The following TULP4 variants were observed in gnomAD, a reference collection of about 807,000 sequenced individuals.
TULP4 encodes the protein tubby-related protein 4.
TULP4 carries 16 observed loss-of-function variants against 129.0 expected under a neutral mutation model. The ratio of observed to expected loss-of-function variants is 0.12; its 90% confidence interval spans 0.08 to 0.19. The LOEUF (loss-of-function observed/expected upper bound fraction) is 0.19, where lower values mean the gene tolerates loss of function less well. Among genes scored for constraint, TULP4 ranks in the 10% least tolerant of loss-of-function variants. TULP4 has a pLI of 1.00. For synonymous variants in TULP4, 998 were observed against 854.0 expected (o/e 1.17, Z -2.94); for missense variants, 1,842 against 2,059.1 (o/e 0.89, Z 2.04).
At chr6:158,442,245 T>C (rs1778913399) in intron 3 of TULP4, among the ~76,000 whole-genome samples, 1 of 152,184 alleles carries the variant, frequency 6.6e-6, no homozygotes, top group Admixed American at 6.5e-5. Context: ...TTGAGAAGTT[T>C]ATCAGTAGCC....
intron 8 of TULP4, among the ~76,000 whole-genome samples, chr6:158,484,251 G>GT (rs991501304): frequency 1.3e-5 from 2 of 150,444 alleles, no homozygotes; most frequent in Non-Finnish European, 3.0e-5. Context: ...CCCACCCATT[G>GT]TTTTTTAAAA....
intron 1 of TULP4, among the ~76,000 whole-genome samples, chr6:158,352,421 G>A (rs139098042): frequency 4.6e-5 from 7 of 151,986 alleles, no homozygotes; most frequent in East Asian, 1.9e-4. Context: ...TTTTTGAGAC[G>A]GAGTCTTACT....
intron 1 of TULP4, among the ~76,000 whole-genome samples, chr6:158,374,291 GA>G (rs11335189): frequency 0.59 from 73,060 of 124,706 alleles, 19,599 homozygotes; most frequent in African/African-American, 0.73. Context: ...TGTCTTTAAA[GA>G]AAAAAAAAAA....
At chr6:158,312,246 ATTAAT>A (rs924613022), upstream of TULP4, 5 of 397,284 alleles carry the variant, frequency 1.3e-5, no homozygotes, top group Non-Finnish European at 2.2e-5. Flanking sequence ...ACTGATGAAA[ATTAAT>A]TTAAGAATCA....
chr6:158,503,739 A>C lies in TULP4; in HGVS notation c.4076A>C (p.Lys1359Thr), dbSNP rs1419311315. The change falls in exon 13 of 14, where the codon AAG (lysine) becomes ACG (threonine). Residue 1359 changes from lysine (K) to threonine (T), a missense_variant. By Grantham distance (78) the Lys-to-Thr change is moderately conservative. Coordinates refer to ENST00000367097, the MANE Select transcript of TULP4 (RefSeq NM_020245.5). This position sits in a 1 kb window ranked among gnomAD's most constrained non-coding sequence, Gnocchi z 4.3. The stretch of plus-strand genomic sequence containing the variant: ...CAGGCCATCACTGAGGGCAAAGTGA[A>C]GAAGGAGGCTAGGACTTTGAGTGAC... ...SVQAITEGKV[K>T]KEARTLSDFN... 6.2e-7 allele frequency: 1 copy of C among 1,614,138 alleles called. No homozygotes were observed. The highest frequency in any genetic ancestry group is 8.5e-7 in the Non-Finnish European group (1 of 1,180,040).
intron 1 of TULP4, among the ~76,000 whole-genome samples, chr6:158,392,330 C>T (rs565657495): frequency 1.3e-5 from 2 of 152,306 alleles, no homozygotes; most frequent in South Asian, 2.1e-4. Context: ...TCCCACAACA[C>T]GTGGGAATTC....
At chr6:158,450,375 G>A (rs1031584897) in intron 4 of TULP4, among the ~76,000 whole-genome samples, 5 of 129,458 alleles carry the variant, frequency 3.9e-5, no homozygotes, top group African/African-American at 1.4e-4. Context: ...CAATATTCTC[G>A]TGTTGTGTTG....
chr6:158,273,389 C>G (rs1280983043), intron 1 of TULP4, among the ~76,000 whole-genome samples: 1 of 152,148 alleles, frequency 6.6e-6, no homozygotes, highest in East Asian at 1.9e-4. Flanking sequence ...AGAGCCTTTC[C>G]TCCATCCTCA....
intron 1 of TULP4, among the ~76,000 whole-genome samples, chr6:158,394,829 C>T (rs931171219): frequency 1.5e-5 from 2 of 135,780 alleles, no homozygotes; most frequent in African/African-American, 5.6e-5. Flanking sequence ...CTACCTGAGG[C>T]AGGGTAATTT....
intron 1 of TULP4, among the ~76,000 whole-genome samples, chr6:158,248,906 G>C (rs1778084198): frequency 6.6e-6 from 1 of 151,958 alleles, no homozygotes; most frequent in African/African-American, 2.4e-5. Context: ...GATTGCTTGA[G>C]CCCAAGAGTT....
chr6:158,395,147 CAG>C (rs1777676698), intron 1 of TULP4, among the ~76,000 whole-genome samples: 1 of 152,122 alleles, frequency 6.6e-6, no homozygotes, highest in Non-Finnish European at 1.5e-5. Flanking sequence ...CAAATCATAT[CAG>C]GGGATTACAT....
intron 5 of TULP4, among the ~76,000 whole-genome samples, chr6:158,457,435 T>C (rs1437729759): frequency 6.6e-6 from 1 of 152,202 alleles, no homozygotes; most frequent in East Asian, 1.9e-4. Context: ...TGATTTTGCT[T>C]GGCCGTGGTT....
chr6:158,308,494 C>T (rs1378246814), upstream of TULP4, among the ~76,000 whole-genome samples: 1 of 152,116 alleles, frequency 6.6e-6, no homozygotes, highest in Non-Finnish European at 1.5e-5. Context: ...GTCATCATGG[C>T]CCGTTCTCAA....
intron 1 of TULP4, among the ~76,000 whole-genome samples, chr6:158,327,090 A>C (rs1403632702): frequency 6.6e-6 from 1 of 150,746 alleles, no homozygotes; most frequent in Non-Finnish European, 1.5e-5. Flanking sequence ...AAATGGATTT[A>C]TAAATAATAC....
At chr6:158,484,484 G>T (rs1780019765) in intron 8 of TULP4, among the ~76,000 whole-genome samples, 1 of 152,116 alleles carries the variant, frequency 6.6e-6, no homozygotes, top group Non-Finnish European at 1.5e-5. Flanking sequence ...GCCAGAGCTT[G>T]CTATAGACTG....
chr6:158,383,616 G>A (rs984628832), intron 1 of TULP4, among the ~76,000 whole-genome samples: 6 of 152,316 alleles, frequency 3.9e-5, no homozygotes, highest in African/African-American at 1.2e-4. Context: ...AGTCCACAGT[G>A]ATTGGGAGCT....
At chr6:158,300,474 T>C (rs1779113322) in intron 1 of TULP4, among the ~76,000 whole-genome samples, 3 of 152,234 alleles carry the variant, frequency 2.0e-5, no homozygotes, top group Non-Finnish European at 4.4e-5. Flanking sequence ...TAAAGTGCAA[T>C]TGGCCTGTTC....
intron 1 of TULP4, among the ~76,000 whole-genome samples, chr6:158,286,310 A>G (rs1488302610): frequency 6.6e-6 from 1 of 152,240 alleles, no homozygotes; most frequent in Non-Finnish European, 1.5e-5. Context: ...CAGATATAAT[A>G]ATTTTCTGGA....
chr6:158,469,936 C>T (rs1328952076), intron 6 of TULP4, among the ~76,000 whole-genome samples: 2 of 151,944 alleles, frequency 1.3e-5, no homozygotes, highest in Non-Finnish European at 2.9e-5. Context: ...CGGGCCACTT[C>T]CAAGATGGTG....
Sources: gnomAD v4.1 joint callset for allele counts (sites outside exome capture counted in the v4.1 genomes callset) on GRCh38, gnomAD v4.1.1 for gene constraint, Gnocchi (gnomAD v3.1) non-coding constraint, MANE v1.5 for transcripts, NCBI Gene and HGNC (gene_info 2026-07-23, HGNC 2026-07-21) for gene names.